Variants in TTC39B observed in about 807,000 individuals in gnomAD.
The protein encoded by TTC39B is tetratricopeptide repeat domain 39B, also known as tetratricopeptide repeat protein 39B.
Under a neutral mutation model 96.6 loss-of-function variants are expected in TTC39B, and 92 were observed. The observed-to-expected ratio is 0.95, with a 90% CI of 0.80 to 1.13. The LOEUF is 1.13. Among genes scored for constraint, TTC39B ranks in the 50% most tolerant of loss-of-function variants. The probability of loss-of-function intolerance (pLI) is 0.00; values close to 1 mark genes in which losing one functional copy is unlikely to be tolerated. For synonymous variants in TTC39B, 367 were observed against 299.4 expected (o/e 1.23, Z -2.33); for missense variants, 955 against 809.3 (o/e 1.18, Z -2.18).
chr9:15,183,117 TAG>T (rs1818331452), intron 16 of TTC39B, among the ~76,000 whole-genome samples: 2 of 152,140 alleles, frequency 1.3e-5, no homozygotes, highest in Non-Finnish European at 1.5e-5. Context: ...GCAGGGTAAT[TAG>T]TATCTTCTTG....
chr9:15,295,064 G>T (rs1229605781), intron 1 of TTC39B, among the ~76,000 whole-genome samples: 1 of 152,090 alleles, frequency 6.6e-6, no homozygotes, highest in Non-Finnish European at 1.5e-5. Flanking sequence ...CCTATTTTTT[G>T]ATGCTTACAT....
At chr9:15,171,952 A>T in exon 20 of TTC39B, 1 of 1,232,616 alleles carries the variant, frequency 8.1e-7, no homozygotes, top group Non-Finnish European at 1.2e-6. Flanking sequence ...TTCCACTTTA[A>T]TATAAGGTTG....
intron 8 of TTC39B, among the ~76,000 whole-genome samples, chr9:15,196,662 T>C (rs1819188609): frequency 6.6e-6 from 1 of 152,150 alleles, no homozygotes; most frequent in Non-Finnish European, 1.5e-5. Context: ...TGAGATGAAA[T>C]CTATTCCCGG....
chr9:15,236,832 C>T (rs577269856), intron 2 of TTC39B, among the ~76,000 whole-genome samples: 4 of 152,166 alleles, frequency 2.6e-5, no homozygotes, highest in South Asian at 4.2e-4. Context: ...CAGTGCTAAG[C>T]GGAAAGTTTA....
At chr9:15,199,599 G>A (rs998447669) in intron 8 of TTC39B, among the ~76,000 whole-genome samples, 4 of 151,604 alleles carry the variant, frequency 2.6e-5, no homozygotes, top group African/African-American at 9.7e-5. Flanking sequence ...GCCGGGCGTG[G>A]TGGCGGGCGC....
chr9:15,219,594 A>G (rs1586900400), intron 3 of TTC39B, among the ~76,000 whole-genome samples: 2 of 152,176 alleles, frequency 1.3e-5, no homozygotes, highest in East Asian at 3.8e-4. Context: ...CTGTACCCTG[A>G]GGAAAGGAAC....
chr9:15,177,868 T>C, intron 17 of TTC39B, 54 bp from the exon 18 acceptor site: 3 of 818,170 alleles, frequency 3.7e-6, no homozygotes, highest in South Asian at 1.7e-5. Flanking sequence ...CTTTTTAAGA[T>C]CTTTTTTTTT....
At chr9:15,215,124 G>C (rs1820435823) in intron 3 of TTC39B, among the ~76,000 whole-genome samples, 2 of 152,144 alleles carry the variant, frequency 1.3e-5, no homozygotes, top group Admixed American at 1.3e-4. Context: ...GGCATGTGGT[G>C]TGTGCCTGTA....
chr9:15,240,222 G>A (rs556556562), intron 2 of TTC39B, among the ~76,000 whole-genome samples: 37 of 152,218 alleles, frequency 2.4e-4, no homozygotes, highest in African/African-American at 8.9e-4. Flanking sequence ...TGTCACCAGT[G>A]CATTCAGAAT....
chr9:15,209,467 A>C (rs1156347981), intron 6 of TTC39B, among the ~76,000 whole-genome samples: 1 of 152,230 alleles, frequency 6.6e-6, no homozygotes, highest in Non-Finnish European at 1.5e-5. Flanking sequence ...AAAATGTTTA[A>C]TAGCTTGTGG....
intron 19 of TTC39B, 26 bp from the exon 20 acceptor site, chr9:15,172,135 A>G (rs752900795): frequency 4.4e-6 from 7 of 1,576,524 alleles, no homozygotes; most frequent in African/African-American, 1.3e-5. Flanking sequence ...ATAAAATTGT[A>G]CAGTCAAAAT....
intron 2 of TTC39B, among the ~76,000 whole-genome samples, chr9:15,237,934 C>T (rs756922405): frequency 6.6e-6 from 1 of 152,148 alleles, no homozygotes; most frequent in Admixed American, 6.5e-5. Context: ...AAATATAATT[C>T]ATCACAATCA....
chr9:15,251,082 G>A (rs1337466134), intron 2 of TTC39B, among the ~76,000 whole-genome samples: 1 of 152,078 alleles, frequency 6.6e-6, no homozygotes, highest in Non-Finnish European at 1.5e-5. Flanking sequence ...TGTAGTCCCA[G>A]CTACTCGGGA....
intron 1 of TTC39B, among the ~76,000 whole-genome samples, chr9:15,270,465 C>T (rs895063251): frequency 7.9e-5 from 12 of 152,102 alleles, no homozygotes. Flanking sequence ...GTGCCTTCTC[C>T]TCCTCCTCAC....
chr9:15,212,556 G>A (rs1336756018), intron 4 of TTC39B, among the ~76,000 whole-genome samples: 1 of 152,184 alleles, frequency 6.6e-6, no homozygotes, highest in Non-Finnish European at 1.5e-5. Context: ...TTCCCGAGTA[G>A]CTGGGATTAC....
intron 7 of TTC39B, among the ~76,000 whole-genome samples, chr9:15,200,543 G>T (rs767818780): frequency 2.2e-4 from 34 of 152,240 alleles, no homozygotes; most frequent in Non-Finnish European, 4.3e-4. Flanking sequence ...TGAGGCTGTT[G>T]GCCTAGATGA....
At position 15,172,260 on chromosome 9, in the gene TTC39B, G is replaced by T. The variant is rs191955878; in HGVS notation, c.1959-151C>A. On this transcript the variant is annotated intron_variant, in intron 19 of 19. Transcript: ENST00000512701. ...TTAGTAAAATGCAGATTCTGGTTCT[G>T]TTGGGGGGTTTTGGGGGGAACTGCA... 5 of 482,490 alleles carry T rather than the reference G, an allele frequency of 1.0e-5. No individual in the cohort carries two copies. In the Admixed American group the frequency reaches 1.9e-4, roughly 18 times the overall value. 29.9% of individuals were successfully genotyped at this position (482,490 alleles called of 1,614,324 possible). A position where few individuals can be genotyped will look rare whatever the true frequency, so the allele number is the denominator to read the frequency against.
chr9:15,196,099 G>A (rs1819151476), intron 8 of TTC39B, among the ~76,000 whole-genome samples: 2 of 152,178 alleles, frequency 1.3e-5, no homozygotes, highest in Admixed American at 1.3e-4. Flanking sequence ...CTACTGTTGA[G>A]ATCCACTGCT....
exon 5 of TTC39B, chr9:15,211,397 C>G: frequency 2.0e-6 from 3 of 1,497,010 alleles, no homozygotes; most frequent in Non-Finnish European, 2.7e-6. Context: ...TCTCCTTAGC[C>G]CTGGGAAGAA....
Sources: allele counts gnomAD v4.1 joint callset (sites outside exome capture counted in the v4.1 genomes callset), GRCh38; gene constraint gnomAD v4.1.1; transcripts MANE v1.5; gene names NCBI Gene and HGNC (gene_info 2026-07-23, HGNC 2026-07-21).